Variants in LINS1 observed in about 807,000 individuals in gnomAD.
LINS1 encodes the protein protein Lines homolog 1.
A neutral mutation model predicts 41.6 loss-of-function variants in LINS1; 27 were observed. The ratio of observed to expected loss-of-function variants is 0.65; its 90% CI spans 0.48 to 0.89. LINS1 has a LOEUF of 0.89. Ranked by LOEUF, LINS1 falls within the 40% of genes least tolerant of loss-of-function variation. LINS1 has a pLI of 0.00. For missense variants in LINS1, 955 were observed against 884.1 expected (o/e 1.08, Z -1.02); for synonymous variants, 336 against 312.9 (o/e 1.07, Z -0.78).
rs150775570 is a variant in LINS1, at chr15:100,574,009, G to T, written c.864C>A (p.Thr288=). The T allele has an allele frequency of 1.2e-6, 2 of 1,613,946 alleles. No homozygotes were observed. The highest frequency in any genetic ancestry group is 1.7e-6 in the Non-Finnish European group (2 of 1,179,942). The change falls in exon 5 of 7, where the codon ACC becomes ACA. Residue 288 remains threonine, a synonymous_variant. Transcript: ENST00000314742. ...TTTTAACAAAAGCCTGAATAGGCCA[G>T]GTAATAACTTCTAGCATGCAAGATG... ...LKPSCMLEVI[T]WPIQAFVKRK...
chr15:100,591,754 C>T (rs1452501269), intron 1 of LINS1, among the ~76,000 whole-genome samples: 2 of 152,156 alleles, frequency 1.3e-5, no homozygotes, highest in Admixed American at 6.5e-5. Flanking sequence ...GTTCCAGCCA[C>T]TACCCCTGGC....
chr15:100,583,497 C>T (rs2038663827), intron 1 of LINS1, among the ~76,000 whole-genome samples: 1 of 152,190 alleles, frequency 6.6e-6, no homozygotes, highest in African/African-American at 2.4e-5. Flanking sequence ...GTATGCATCC[C>T]ATATGATTGA....
rs117825322 is a variant in LINS1, at chr15:100,580,800, C to A, written c.43G>T (p.Val15Leu). The A allele has an allele frequency of 4.3e-6, 7 of 1,611,152 alleles. No homozygotes were observed. Among genetic ancestry groups the A allele is most frequent in the African/African-American group, 1.3e-5 (1 of 74,830 alleles). Residue 15 changes from valine (V) to leucine (L), a missense_variant, in exon 2 of 7, where the codon GTA becomes TTA. Physicochemically the swap from Val to Leu is conservative, Grantham distance 32. Coordinates refer to ENST00000314742, the MANE Select transcript of LINS1 (RefSeq NM_001040616.3). The stretch of plus-strand genomic sequence containing the variant: ...TTTTCAAGTGTGGCTCCAAGAAGTA[C>A]CTTCTTGTATAACTCTTCTAAAACT... ...CEVLEELYKK[V>L]LLGATLENDS... is the part of the protein sequence containing the mutation.
chr15:100,601,977 A>T (rs955087478), intron 1 of LINS1, 144 bp downstream of exon 1: 8 of 152,220 alleles, frequency 5.3e-5, no homozygotes, highest in African/African-American at 1.4e-4. Flanking sequence ...ACAAGCGCTG[A>T]ACAGGGGCGG....
chr15:100,600,551 CA>C (rs56911211), intron 1 of LINS1, among the ~76,000 whole-genome samples: 37 of 79,676 alleles, frequency 4.6e-4, no homozygotes, highest in Middle Eastern at 9.3e-3. Context: ...TGCTGTTAAG[CA>C]AAAAAAAAAA....
At chr15:100,585,675 T>C (rs904991741) in intron 1 of LINS1, among the ~76,000 whole-genome samples, 1 of 152,248 alleles carries the variant, frequency 6.6e-6, no homozygotes, top group Admixed American at 6.5e-5. Flanking sequence ...TATGTGTACA[T>C]GTACATGTCT....
rs560050396 is a variant in LINS1, at chr15:100,573,635, G to A, written c.1222+16C>T. ...AATAATTACACACTGCATACAAAAGGAGTTTGGAGAATTACCTTTCACTTC... is the reference window on the plus strand; with the variant it reads ...AATAATTACACACTGCATACAAAAGAAGTTTGGAGAATTACCTTTCACTTC... On this transcript the variant is annotated intron_variant, in intron 5 of 6. Transcript: ENST00000314742. 1.4e-6 allele frequency: 2 copies of A among 1,436,488 alleles called. No homozygotes were observed. The highest frequency in any genetic ancestry group is 1.7e-5 in the Admixed American group (1 of 58,282). The allele number at this position is 1,436,488 out of a possible 1,614,324, so 89.0% of individuals were successfully genotyped here.
intron 1 of LINS1, 140 bp from the exon 2 acceptor site, chr15:100,581,085 C>T (rs2038520158): frequency 1.3e-5 from 6 of 457,402 alleles, no homozygotes; most frequent in Non-Finnish European, 2.3e-5. Context: ...AAAATTGTAA[C>T]AGGAACATTA....
intron 1 of LINS1, among the ~76,000 whole-genome samples, chr15:100,582,967 G>C (rs548308312): frequency 2.5e-4 from 38 of 149,062 alleles, no homozygotes; most frequent in African/African-American, 8.7e-4. Context: ...CTTACACTGG[G>C]TCTTCCATCT....
Position 100,580,923 on chromosome 15 carries a change from C to A in LINS1, c.-81G>T, listed in dbSNP as rs1333642049. On this transcript the variant is annotated 5_prime_UTR_variant, in exon 2 of 7. Transcript: ENST00000314742. ...TAAATCTCAGAAGTGCAATGAATCT[C>A]TAAGAAGTTTCTTCAGTGAAACCTA... 1.5e-6 allele frequency: 2 copies of A among 1,321,426 alleles called. No individual in the cohort carries two copies. The highest frequency in any genetic ancestry group is 2.1e-6 in the Non-Finnish European group (2 of 951,016). 81.9% of individuals were successfully genotyped at this position (1,321,426 alleles called of 1,614,324 possible).
At chr15:100,592,973 A>C (rs556453380) in intron 1 of LINS1, among the ~76,000 whole-genome samples, 1 of 152,368 alleles carries the variant, frequency 6.6e-6, no homozygotes, top group Non-Finnish European at 1.5e-5. Flanking sequence ...TGTGGTATTA[A>C]AGGAAAGGAC....
At chr15:100,584,275 A>C (rs1305312101) in intron 1 of LINS1, among the ~76,000 whole-genome samples, 1 of 147,020 alleles carries the variant, frequency 6.8e-6, no homozygotes, top group African/African-American at 2.4e-5. Context: ...TATAGCAATA[A>C]AAATACTTCC....
chr15:100,596,420 T>C (rs201168970), intron 1 of LINS1, among the ~76,000 whole-genome samples: 8 of 59,658 alleles, frequency 1.3e-4, no homozygotes, highest in Admixed American at 8.7e-4. Context: ...ATTAAACTCT[T>C]GTCTTAGGAC....
chr15:100,586,418 TC>T (rs760484625), intron 1 of LINS1: 6 of 152,240 alleles, frequency 3.9e-5, no homozygotes, highest in Non-Finnish European at 7.3e-5. Context: ...TTTTTGATGC[TC>T]ATTTAATATC....
chr15:100,572,919 G>A, intron 5 of LINS1: 1 of 690,322 alleles, frequency 1.4e-6, no homozygotes, highest in South Asian at 6.2e-5. Flanking sequence ...ATACAAATGG[G>A]GTGGGGAAAC....
At chr15:100,593,777 T>C (rs571545691) in intron 1 of LINS1, among the ~76,000 whole-genome samples, 21 of 152,314 alleles carry the variant, frequency 1.4e-4, no homozygotes, top group African/African-American at 3.8e-4. Flanking sequence ...TCAAATTAAA[T>C]AGTAACTCCT....
intron 3 of LINS1, among the ~76,000 whole-genome samples, chr15:100,579,940 C>G (rs182021160): frequency 6.6e-6 from 1 of 152,226 alleles, no homozygotes; most frequent in East Asian, 1.9e-4. Context: ...ATCCTTGACA[C>G]AAATCATCAT....
In LINS1 at chr15:100,580,913, C is replaced by T; in HGVS notation, c.-71G>A. On this transcript the variant is annotated 5_prime_UTR_variant, in exon 2 of 7. Coordinates refer to ENST00000314742, the MANE Select transcript of LINS1 (RefSeq NM_001040616.3). ...TTGTAAACATTAAATCTCAGAAGTG[C>T]AATGAATCTCTAAGAAGTTTCTTCA... 7.2e-7 allele frequency: 1 copy of T among 1,383,264 alleles called. No homozygotes were observed. Among genetic ancestry groups the T allele is most frequent in the Non-Finnish European group, 1.0e-6 (1 of 1,000,400 alleles). The allele number at this position is 1,383,264 out of a possible 1,614,324, so 85.7% of individuals were successfully genotyped here.
At chr15:100,590,560 C>G (rs1042741618) in intron 1 of LINS1, among the ~76,000 whole-genome samples, 1 of 152,190 alleles carries the variant, frequency 6.6e-6, no homozygotes, top group African/African-American at 2.4e-5. Context: ...AAATGTTTCC[C>G]TCATGATAGG....
Sources: allele counts gnomAD v4.1 joint callset (sites outside exome capture counted in the v4.1 genomes callset), GRCh38; gene constraint gnomAD v4.1.1; transcripts MANE v1.5; gene names NCBI Gene and HGNC (gene_info 2026-07-23, HGNC 2026-07-21).